NR4A1: variants seen among roughly 807,000 people sequenced by gnomAD.
NR4A1 encodes nuclear receptor subfamily 4 group A member 1.
In NR4A1, 24 loss-of-function variants were observed where a neutral mutation model predicts 47.5. The ratio of observed to expected loss-of-function variants is 0.50; its 90% confidence interval spans 0.37 to 0.71. The LOEUF (loss-of-function observed/expected upper bound fraction) is 0.71. Ranked by LOEUF, NR4A1 falls within the 30% of genes least tolerant of loss-of-function variation. NR4A1 has a pLI of 0.00. For synonymous variants in NR4A1, 353 were observed against 345.7 expected (o/e 1.02, Z -0.24); for missense variants, 669 against 788.6 (o/e 0.85, Z 1.82).
intron 2 of NR4A1, among the ~76,000 whole-genome samples, chr12:52,044,900 C>T (rs1273814085): frequency 6.6e-6 from 1 of 152,086 alleles, no homozygotes; most frequent in East Asian, 1.9e-4. Flanking sequence ...CTGTGTTTTC[C>T]AGCCCCGTCT....
chr12:52,049,616 C>T (rs1938819542), upstream of NR4A1, among the ~76,000 whole-genome samples: 1 of 152,222 alleles, frequency 6.6e-6, no homozygotes, highest in Admixed American at 6.5e-5. Flanking sequence ...AATCATGCCA[C>T]TGCATTCTAG....
intron 1 of NR4A1, chr12:52,052,685 G>T (rs915431198): frequency 1.8e-5 from 18 of 983,346 alleles, no homozygotes; most frequent in South Asian, 4.7e-5. Flanking sequence ...CTGCATGAAG[G>T]GGGAGGGACT....
chr12:52,041,513 C>A (rs1288805917), intron 1 of NR4A1, among the ~76,000 whole-genome samples: 1 of 152,158 alleles, frequency 6.6e-6, no homozygotes, highest in Non-Finnish European at 1.5e-5. Flanking sequence ...GGCCGAGAGC[C>A]AGGAAGGGTA....
At chr12:52,053,935 C>T (rs1939106864) in intron 1 of NR4A1, 2 of 211,368 alleles carry the variant, frequency 9.5e-6, no homozygotes, top group African/African-American at 2.3e-5. Flanking sequence ...GCTGGGCTGC[C>T]TCTCCCACTC....
At chr12:52,034,506 T>C (rs1938196467) in intron 1 of NR4A1, among the ~76,000 whole-genome samples, 1 of 152,168 alleles carries the variant, frequency 6.6e-6, no homozygotes, top group African/African-American at 2.4e-5. Context: ...ACCTTTCCTA[T>C]CTGCAATAGG....
chr12:52,031,244 T>G (rs1785964526), intron 1 of NR4A1, among the ~76,000 whole-genome samples: 1 of 151,690 alleles, frequency 6.6e-6, no homozygotes, highest in African/African-American at 2.4e-5. Context: ...CAGGCTGGTC[T>G]CAAACTCCTG....
At chr12:52,047,893 G>A (rs1357187920), upstream of NR4A1, among the ~76,000 whole-genome samples, 5 of 152,142 alleles carry the variant, frequency 3.3e-5, no homozygotes, top group East Asian at 1.9e-4. Flanking sequence ...GGTGGCTCAC[G>A]CCTGTAATCC....
upstream of NR4A1, among the ~76,000 whole-genome samples, chr12:52,048,130 G>A (rs2121026291): frequency 6.6e-6 from 1 of 151,560 alleles, no homozygotes; most frequent in African/African-American, 2.4e-5. Context: ...CTCTAGCCTG[G>A]GCGACAGCAC....
At chr12:52,034,473 C>T (rs568071342) in intron 1 of NR4A1, among the ~76,000 whole-genome samples, 3 of 152,368 alleles carry the variant, frequency 2.0e-5, no homozygotes, top group South Asian at 2.1e-4. Context: ...GGGCCATGCA[C>T]GTTGTTCACC....
At chr12:52,027,645 G>A (rs1200943660) in intron 1 of NR4A1, among the ~76,000 whole-genome samples, 1 of 152,214 alleles carries the variant, frequency 6.6e-6, no homozygotes, top group Admixed American at 6.5e-5. Flanking sequence ...AACTCGGGGT[G>A]CACGTGGGGG....
intron 4 of NR4A1, 126 bp downstream of exon 4, chr12:52,056,771 G>T: frequency 4.9e-6 from 2 of 407,378 alleles, no homozygotes; most frequent in Non-Finnish European, 9.2e-6. Context: ...AAGAAAGAAA[G>T]AAAAGCGACT....
rs1209055449 is a variant in NR4A1, at chr12:52,057,547, A to T, written c.1540+17A>T. 5.6e-6 allele frequency: 9 copies of T among 1,613,032 alleles called. No homozygotes were observed. Among genetic ancestry groups the T allele is most frequent in the Non-Finnish European group, 7.6e-6 (9 of 1,179,764 alleles). On this transcript the variant is annotated intron_variant, in intron 6 of 6. Coordinates refer to ENST00000394825, the MANE Select transcript of NR4A1 (RefSeq NM_173157.3). ...TCATCACCGGTGAGTGACCAGCACCACACCAGGTCCAAGGGAATGGGCGTC... is the reference window on the plus strand; with the variant it reads ...TCATCACCGGTGAGTGACCAGCACCTCACCAGGTCCAAGGGAATGGGCGTC...
At chr12:52,052,648 A>G in intron 1 of NR4A1, 8 of 985,488 alleles carry the variant, frequency 8.1e-6, no homozygotes, top group Non-Finnish European at 9.6e-6. Context: ...GGCTAGATGT[A>G]GGTCCATATC....
intron 1 of NR4A1, among the ~76,000 whole-genome samples, chr12:52,031,862 C>A (rs1449862513): frequency 6.7e-6 from 1 of 150,142 alleles, no homozygotes; most frequent in African/African-American, 2.5e-5. Context: ...TCACTGCAAC[C>A]TTCGGCTCAC....
upstream of NR4A1, among the ~76,000 whole-genome samples, chr12:52,049,766 G>A (rs11169990): frequency 0.029 from 4,454 of 152,346 alleles, 75 homozygotes; most frequent in South Asian, 0.073. Flanking sequence ...GGAGCCAGGA[G>A]CAGAGATTAG....
At chr12:52,052,928 G>A (rs142637583) in intron 1 of NR4A1, among the ~76,000 whole-genome samples, 1 of 152,306 alleles carries the variant, frequency 6.6e-6, no homozygotes, top group Non-Finnish European at 1.5e-5. Context: ...AAGGGTCTCT[G>A]TTGTCTTGGT....
chr12:52,051,471 G>C lies in NR4A1; in HGVS notation c.-100G>C. The C allele has an allele frequency of 1.0e-6, 1 of 985,584 alleles. No homozygotes were observed. The highest frequency in any genetic ancestry group is 1.2e-6 in the Non-Finnish European group (1 of 830,048). The allele number at this position is 985,584 out of a possible 1,614,324, so 61.1% of individuals were successfully genotyped here. On this transcript the variant is annotated 5_prime_UTR_variant, in exon 1 of 7. Transcript: ENST00000394825. The stretch of plus-strand genomic sequence containing the variant: ...CCAGTGGCGGAGGCTACGAAACTTG[G>C]GGGAGTGCACAGAAGAACTTCGGGA...
chr12:52,043,812 G>C (rs1278317946), intron 2 of NR4A1: 2 of 1,288,384 alleles, frequency 1.6e-6, no homozygotes, highest in Non-Finnish European at 2.0e-6. Context: ...GGCTCCCTGA[G>C]ACCACCAGGA....
In NR4A1 at chr12:52,054,146, C is replaced by T. The variant is rs1467927458; in HGVS notation, c.-2-181C>T. The T allele has an allele frequency of 2.3e-5, 14 of 598,184 alleles. No homozygotes were observed. The South Asian group carries it at 2.6e-4, about 11-fold the overall frequency. The allele number at this position is 598,184 out of a possible 1,614,324, so 37.1% of individuals were successfully genotyped here. The stretch of plus-strand genomic sequence containing the variant: ...CCCAGGGGCTTTGTGGCACCTAGGT[C>T]GAGATGGTACTCAGGCCAGGGGTCA... On this transcript the variant is annotated intron_variant, in intron 1 of 6. Coordinates refer to ENST00000394825, the MANE Select transcript of NR4A1 (RefSeq NM_173157.3).
Sources: allele counts gnomAD v4.1 joint callset (sites outside exome capture counted in the v4.1 genomes callset), GRCh38; gene constraint gnomAD v4.1.1; transcripts MANE v1.5; gene names NCBI Gene and HGNC (gene_info 2026-07-23, HGNC 2026-07-21).